The following FRMD3 variants were observed in gnomAD, a reference collection of about 807,000 sequenced individuals.
FRMD3 encodes the protein FERM domain containing 3, also known as FERM domain-containing protein 3.
FRMD3 carries 33 observed loss-of-function variants against 70.2 expected under a neutral mutation model. The ratio of observed to expected loss-of-function variants is 0.47; its 90% CI spans 0.36 to 0.63. The LOEUF is 0.63. FRMD3 is among the 20% of genes least tolerant of loss of function. The pLI is 0.00. For missense variants in FRMD3, 632 were observed against 711.4 expected (o/e 0.89, Z 1.27); for synonymous variants, 279 against 255.9 (o/e 1.09, Z -0.86).
intron 2 of FRMD3, among the ~76,000 whole-genome samples, chr9:83,375,958 G>A (rs971001496): frequency 6.6e-6 from 1 of 152,018 alleles, no homozygotes; most frequent in Non-Finnish European, 1.5e-5. Flanking sequence ...TCAGGAGTTC[G>A]AGACCAGCCT....
chr9:83,558,086 C>G, the FRMD3 span, among the ~76,000 whole-genome samples: 1 of 152,178 alleles, frequency 6.6e-6, no homozygotes, highest in Non-Finnish European at 1.5e-5. Context: ...GGCAAGAGAG[C>G]TGTCAAAAAT....
At chr9:83,311,628 T>C (rs1181366704) in intron 8 of FRMD3, among the ~76,000 whole-genome samples, 2 of 152,032 alleles carry the variant, frequency 1.3e-5, no homozygotes, top group Non-Finnish European at 2.9e-5. Context: ...CAGTAGAAGC[T>C]ACTGGTGAGG....
the FRMD3 span, among the ~76,000 whole-genome samples, chr9:83,550,303 A>G: frequency 6.6e-6 from 1 of 152,106 alleles, no homozygotes; most frequent in Admixed American, 6.6e-5. Context: ...CCATTGGTCT[A>G]TGTCCCTGTT....
chr9:83,355,170 G>A (rs573197085), intron 3 of FRMD3, among the ~76,000 whole-genome samples: 27 of 152,242 alleles, frequency 1.8e-4, no homozygotes, highest in African/African-American at 3.1e-4. Context: ...AAGTGTCTAC[G>A]CAATCCAGCT....
At chr9:83,487,555 A>G (rs1828714417) in intron 1 of FRMD3, among the ~76,000 whole-genome samples, 1 of 152,222 alleles carries the variant, frequency 6.6e-6, no homozygotes, top group Non-Finnish European at 1.5e-5. Context: ...AAATGCTACA[A>G]TAGTAACAGA....
chr9:83,361,219 T>C (rs1824571920), intron 3 of FRMD3, among the ~76,000 whole-genome samples: 1 of 152,240 alleles, frequency 6.6e-6, no homozygotes, highest in Admixed American at 6.5e-5. Context: ...TTCAGTTGTA[T>C]GTTTTGCTTT....
intron 1 of FRMD3, among the ~76,000 whole-genome samples, chr9:83,455,491 T>A (rs1248252725): frequency 6.6e-6 from 1 of 151,492 alleles, no homozygotes; most frequent in Non-Finnish European, 1.5e-5. Context: ...TTCTTCCTCA[T>A]TTTTTCTCTT....
intron 3 of FRMD3, 67 bp downstream of exon 3, chr9:83,372,846 T>C: frequency 7.1e-7 from 1 of 1,399,368 alleles, no homozygotes. Flanking sequence ...AGGAGAAAGT[T>C]TGTCAGGGAA....
At chr9:83,260,045 T>C (rs763011288) in intron 13 of FRMD3, among the ~76,000 whole-genome samples, 2 of 152,148 alleles carry the variant, frequency 1.3e-5, no homozygotes, top group South Asian at 4.1e-4. Flanking sequence ...TTCAGTTCTA[T>C]AGTCTTGGAC....
chr9:83,468,209 T>C (rs965672308), intron 1 of FRMD3, among the ~76,000 whole-genome samples: 2 of 152,204 alleles, frequency 1.3e-5, no homozygotes, highest in South Asian at 4.1e-4. Context: ...CTGTAAGAAA[T>C]TGAAAGATAG....
At chr9:83,258,997 G>T (rs1054781993) in intron 13 of FRMD3, among the ~76,000 whole-genome samples, 2 of 152,178 alleles carry the variant, frequency 1.3e-5, no homozygotes, top group African/African-American at 4.8e-5. Context: ...CTCCAGAGCA[G>T]TGGTATAAAG....
intron 1 of FRMD3, among the ~76,000 whole-genome samples, chr9:83,419,056 G>C (rs1170877698): frequency 6.6e-6 from 1 of 152,122 alleles, no homozygotes; most frequent in Non-Finnish European, 1.5e-5. Context: ...AAAACCGTAT[G>C]TTCTCACTTG....
downstream of FRMD3, chr9:83,243,058 T>G (rs1425753481): frequency 8.0e-6 from 6 of 749,024 alleles, no homozygotes; most frequent in Non-Finnish European, 1.1e-5. Context: ...TAAGCAAGGT[T>G]CCTTTCTTCT....
At chr9:83,301,228 T>A (rs540283485) in intron 10 of FRMD3, among the ~76,000 whole-genome samples, 1 of 152,142 alleles carries the variant, frequency 6.6e-6, no homozygotes, top group East Asian at 1.9e-4. Context: ...GCAAGCTGCA[T>A]TGAGATGGTC....
intron 1 of FRMD3, among the ~76,000 whole-genome samples, chr9:83,472,734 G>C (rs528884369): frequency 5.9e-5 from 9 of 152,304 alleles, no homozygotes; most frequent in African/African-American, 2.2e-4. Flanking sequence ...TTCAAAGTGT[G>C]AAAACCTGTG....
the FRMD3 span, among the ~76,000 whole-genome samples, chr9:83,582,572 G>A: frequency 1.3e-5 from 2 of 152,168 alleles, no homozygotes; most frequent in Admixed American, 6.5e-5. Flanking sequence ...ACAACAGTGT[G>A]CTCTAACTAC....
intron 1 of FRMD3, among the ~76,000 whole-genome samples, chr9:83,511,294 C>G (rs76291650): frequency 0.012 from 1,867 of 152,204 alleles, 46 homozygotes; most frequent in African/African-American, 0.042. Flanking sequence ...GTTGATTTCC[C>G]CAGTAGCATA....
intron 1 of FRMD3, among the ~76,000 whole-genome samples, chr9:83,494,699 T>A (rs1828900207): frequency 6.6e-6 from 1 of 151,120 alleles, no homozygotes; most frequent in Non-Finnish European, 1.5e-5. Context: ...ACCCCAGGAG[T>A]TCAAGACAAG....
intron 12 of FRMD3, among the ~76,000 whole-genome samples, chr9:83,293,842 T>G (rs1173789360): frequency 1.3e-5 from 2 of 152,196 alleles, no homozygotes; most frequent in Non-Finnish European, 2.9e-5. Context: ...TCCAATAATA[T>G]GACTCAGAGA....
Sources: allele counts gnomAD v4.1 joint callset (sites outside exome capture counted in the v4.1 genomes callset), GRCh38; gene constraint gnomAD v4.1.1; transcripts MANE v1.5; gene names NCBI Gene and HGNC (gene_info 2026-07-23, HGNC 2026-07-21).